NADK: variants seen among roughly 807,000 people sequenced by gnomAD.
NADK encodes NAD kinase.
NADK carries 22 observed loss-of-function variants against 49.8 expected under a neutral mutation model. The ratio of observed to expected loss-of-function variants is 0.44; its 90% confidence interval spans 0.32 to 0.63. The LOEUF is 0.63. Among genes scored for constraint, NADK ranks in the 30% least tolerant of loss-of-function variants. NADK has a pLI of 0.06. For missense variants in NADK, 438 were observed against 609.4 expected (o/e 0.72, Z 2.96); for synonymous variants, 268 against 253.7 (o/e 1.06, Z -0.54).
chr1:1,769,585 G>A (rs973464515), intron 1 of NADK, among the ~76,000 whole-genome samples: 18 of 151,978 alleles, frequency 1.2e-4, no homozygotes, highest in South Asian at 4.2e-4. Context: ...CAAACTAGCC[G>A]CGTGTGGTGG....
Position 1,757,278 on chromosome 1 carries a change from G to A in NADK, c.296C>T (p.Thr99Met), listed in dbSNP as rs573640938. 2.0e-5 allele frequency: 33 copies of A among 1,613,806 alleles called. No homozygotes were observed. Among genetic ancestry groups the A allele is most frequent in the African/African-American group, 9.3e-5 (7 of 74,954 alleles). ...GACGCTCTTTGGGGACTTGTTCCAC[G>A]TCAGCCGCTGGCTCGCGGGGTCCTG... Reference protein sequence around the residue: ...HIQDPASQRLTWNKSPKSVLV... With the variant: ...HIQDPASQRLMWNKSPKSVLV... The change falls in exon 4 of 12, where the codon ACG becomes ATG. Residue 99 changes from threonine (T) to methionine (M), a missense_variant. Transcript: ENST00000341426.
intron 3 of NADK, chr1:1,758,284 C>T (rs971659593): frequency 6.7e-7 from 1 of 1,501,626 alleles, no homozygotes; most frequent in Non-Finnish European, 9.0e-7. Context: ...CCCAGAACCA[C>T]AACACAGACG....
rs1557833141 is a variant in NADK at position 1,754,415 on chromosome 1, CGG to C, written c.844-34_844-33del. ...GGGCGACAGCATTGCACACTCAGGG[CGG>C]GGGATGCCGCACGGCTCGCAGACAC... On this transcript the variant is annotated intron_variant, in intron 8 of 11. Transcript: ENST00000341426. This position sits in a 1 kb window ranked among gnomAD's most constrained non-coding sequence, Gnocchi z 4.3. 1 of 1,610,686 alleles carries C rather than the reference CGG, an allele frequency of 6.2e-7. No homozygotes were observed. The highest frequency in any genetic ancestry group is 8.5e-7 in the Non-Finnish European group (1 of 1,177,420).
chr1:1,767,399 G>A (rs1245178831), intron 1 of NADK, among the ~76,000 whole-genome samples: 2 of 152,120 alleles, frequency 1.3e-5, no homozygotes, highest in African/African-American at 2.4e-5. Context: ...TGCCAGGGTC[G>A]GTTCAATCCC....
At chr1:1,767,762 C>A (rs4648827) in intron 1 of NADK, among the ~76,000 whole-genome samples, 37,746 of 152,046 alleles carry the variant, frequency 0.25, 4,900 homozygotes, top group African/African-American at 0.27. Flanking sequence ...GATCCTCCTG[C>A]CTTGGCTTCC....
intron 3 of NADK, chr1:1,759,812 A>G: frequency 6.4e-7 from 1 of 1,553,956 alleles, no homozygotes; most frequent in Non-Finnish European, 8.7e-7. Context: ...GCTGAGGCAG[A>G]ACATGCACCT....
intron 1 of NADK, among the ~76,000 whole-genome samples, chr1:1,769,532 C>T (rs1452681357): frequency 6.6e-6 from 1 of 151,804 alleles, no homozygotes; most frequent in Non-Finnish European, 1.5e-5. Flanking sequence ...GCTTGGGCAA[C>T]AGAGCGAGAC....
chr1:1,761,081 C>T (rs1645708261), intron 3 of NADK, among the ~76,000 whole-genome samples: 1 of 152,196 alleles, frequency 6.6e-6, no homozygotes, highest in South Asian at 2.1e-4. Context: ...GCAACATCTG[C>T]CTCCCGGGTT....
intron 1 of NADK, among the ~76,000 whole-genome samples, chr1:1,770,417 T>C (rs1221304452): frequency 2.0e-5 from 3 of 152,222 alleles, no homozygotes; most frequent in Admixed American, 6.5e-5. Context: ...TGACATGACA[T>C]TTCTATGTAG....
intron 6 of NADK, chr1:1,755,857 A>G (rs2100286767): frequency 4.6e-6 from 2 of 436,236 alleles, no homozygotes; most frequent in African/African-American, 2.0e-5. Context: ...TGTCACCAAC[A>G]TGCAGTGGGC....
At chr1:1,776,443 C>T (rs1646212070) in intron 1 of NADK, among the ~76,000 whole-genome samples, 1 of 146,562 alleles carries the variant, frequency 6.8e-6, no homozygotes, top group Admixed American at 7.2e-5. Flanking sequence ...CAACATAAAC[C>T]CACCTCCAAG....
intron 1 of NADK, among the ~76,000 whole-genome samples, chr1:1,768,918 C>T (rs1301582086): frequency 1.3e-5 from 2 of 152,176 alleles, no homozygotes; most frequent in African/African-American, 4.8e-5. Context: ...TCTCTGAATA[C>T]CCAAAAGCTG....
At chr1:1,773,713 T>TGAGAGA (rs1333424237) in intron 1 of NADK, among the ~76,000 whole-genome samples, 3,268 of 126,372 alleles carry the variant, frequency 0.026, 119 homozygotes, top group Middle Eastern at 0.052. Context: ...TGTGTGTGTG[T>TGAGAGA]GTGTGTGTGT....
chr1:1,757,146 GC>G, intron 4 of NADK, 34 bp downstream of exon 4: 2 of 1,524,056 alleles, frequency 1.3e-6, no homozygotes, highest in Non-Finnish European at 1.8e-6. Flanking sequence ...AACTCCATGT[GC>G]ACCCCAGGCC....
At chr1:1,761,928 C>T (rs1396076271) in intron 3 of NADK, 24 bp downstream of exon 3, 5 of 1,612,588 alleles carry the variant, frequency 3.1e-6, no homozygotes, top group Non-Finnish European at 4.2e-6. Flanking sequence ...CAAGAACCCC[C>T]CGTCCTGGGG....
In NADK at chr1:1,754,868, C is replaced by T. The variant is rs2100279350; in HGVS notation, c.689-170G>A. ...ATGGAGTCTCACTCTGTCACCCAGG[C>T]TGGAATGCAGTGGTGTGATCTTGGC... On this transcript the variant is annotated intron_variant, in intron 7 of 11. Transcript: ENST00000341426. The surrounding 1 kb of genome is among the most constrained non-coding windows in gnomAD (Gnocchi z 4.3). 1.6e-6 allele frequency: 1 copy of T among 639,198 alleles called. No homozygotes were observed. The highest frequency in any genetic ancestry group is 3.0e-5 in the East Asian group (1 of 33,726). 39.6% of individuals were successfully genotyped at this position (639,198 alleles called of 1,614,324 possible).
At chr1:1,772,107 C>A (rs1646070699) in intron 1 of NADK, among the ~76,000 whole-genome samples, 1 of 151,820 alleles carries the variant, frequency 6.6e-6, no homozygotes, top group Non-Finnish European at 1.5e-5. Flanking sequence ...CCTCACCCAG[C>A]TGGAAAAAGT....
At chr1:1,777,784 T>TA (rs2100401014) in intron 1 of NADK, among the ~76,000 whole-genome samples, 1 of 152,274 alleles carries the variant, frequency 6.6e-6, no homozygotes, top group South Asian at 2.1e-4. Context: ...AACATCACCA[T>TA]AGACTATTGG....
chr1:1,764,581 C>G (rs1057437169), intron 2 of NADK, among the ~76,000 whole-genome samples: 2 of 152,146 alleles, frequency 1.3e-5, no homozygotes, highest in African/African-American at 4.8e-5. Context: ...AGGGATGTCC[C>G]CTCACACCCC....
Sources: allele counts gnomAD v4.1 joint callset (sites outside exome capture counted in the v4.1 genomes callset), GRCh38; gene constraint gnomAD v4.1.1; non-coding constraint Gnocchi (gnomAD v3.1); transcripts MANE v1.5; gene names NCBI Gene and HGNC (gene_info 2026-07-23, HGNC 2026-07-21).